MYH11: variants seen among roughly 807,000 people sequenced by gnomAD.
The protein encoded by MYH11 is myosin-11.
In MYH11, 80 loss-of-function variants were observed where a neutral mutation model predicts 246.6. The observed-to-expected ratio is 0.32, with a 90% CI of 0.27 to 0.39. The LOEUF (loss-of-function observed/expected upper bound fraction) is 0.39, where lower values mean the gene tolerates loss of function less well. MYH11 is among the 10% of genes least tolerant of loss of function. The pLI is 1.00. For synonymous variants in MYH11, 1,071 were observed against 1,015.5 expected (o/e 1.05, Z -1.04); for missense variants, 2,158 against 2,546.8 (o/e 0.85, Z 3.29).
chr16:15,850,111 A>G (rs974480433), intron 1 of MYH11, among the ~76,000 whole-genome samples: 1 of 152,234 alleles, frequency 6.6e-6, no homozygotes. Context: ...TAGGCCGGGC[A>G]TGGTGGCTGA....
At chr16:15,813,349 T>TA (rs906041658) in intron 3 of MYH11, among the ~76,000 whole-genome samples, 5 of 152,028 alleles carry the variant, frequency 3.3e-5, no homozygotes, top group African/African-American at 4.8e-5. Context: ...ACCCTGTCTC[T>TA]AAAAAAAGCA....
intron 2 of MYH11, among the ~76,000 whole-genome samples, chr16:15,831,507 GAACC>G (rs2043739501): frequency 1.5e-5 from 2 of 134,700 alleles, no homozygotes; most frequent in Non-Finnish European, 3.2e-5. Context: ...GTACATACAT[GAACC>G]TGTGAATCAT....
intron 2 of MYH11, among the ~76,000 whole-genome samples, chr16:15,834,934 G>C (rs775051815): frequency 7.7e-6 from 1 of 130,046 alleles, no homozygotes; most frequent in Non-Finnish European, 1.6e-5. Context: ...TTTTTAATTA[G>C]CCAGGTGTGG....
intron 28 of MYH11, chr16:15,725,428 G>C: frequency 2.1e-6 from 1 of 480,788 alleles, no homozygotes; most frequent in East Asian, 3.1e-5. Context: ...CAGGGATGCT[G>C]TCCCATCCCT....
chr16:15,730,312 A>G lies in MYH11; in HGVS notation c.3651+2252T>C, dbSNP rs188208760. Among the ~76,000 whole-genome samples the G allele has an allele frequency of 1.4e-3, 212 of 149,758 alleles. 1 individual carries two copies. Among genetic ancestry groups the G allele is most frequent in the South Asian group, 2.5e-3 (12 of 4,726 alleles). On this transcript the variant is annotated intron_variant, in intron 27 of 40. Coordinates refer to ENST00000300036, the MANE Select transcript of MYH11 (RefSeq NM_002474.3). ...TTTGGGAGGCCAAGGCAGGTGGATCACCTGAGGTCAGGAGTTCGAGATCAG... is the reference window on the plus strand; with the variant it reads ...TTTGGGAGGCCAAGGCAGGTGGATCGCCTGAGGTCAGGAGTTCGAGATCAG...
In MYH11 at chr16:15,823,285, C is replaced by T. The variant is rs375998236; in HGVS notation, c.472G>A (p.Ala158Thr). ...AGCATGCTCCGGTAGGCCGTGTCTG[C>T]GATGGCGTAGATGTGAGGCGGCATC... ...HEMPPHIYAI[A>T]DTAYRSMLQD... The change falls in exon 3 of 41, where the codon GCA (alanine) becomes ACA (threonine). Residue 158 changes from alanine (A) to threonine (T), a missense_variant. Physicochemically the swap from Ala to Thr is moderately conservative, Grantham distance 58. Transcript: ENST00000300036. 1.3e-4 allele frequency: 217 copies of T among 1,614,074 alleles called. 2 individuals are homozygous for T. The highest frequency in any genetic ancestry group is 6.8e-4 in the Admixed American group (41 of 59,998).
intron 33 of MYH11, among the ~76,000 whole-genome samples, chr16:15,720,576 T>TTGTC (rs1300823294): frequency 6.6e-6 from 1 of 150,930 alleles, no homozygotes; most frequent in African/African-American, 2.4e-5. Context: ...TGGTGAAACC[T>TTGTC]TGTCTCCACT....
intron 6 of MYH11, 138 bp from the exon 7 acceptor site, chr16:15,778,981 C>A: frequency 1.2e-6 from 1 of 833,740 alleles, no homozygotes; most frequent in South Asian, 1.4e-5. Context: ...CAGAACCCCA[C>A]AGGTCAAGTT....
At chr16:15,789,448 A>G (rs1686042887) in intron 4 of MYH11, among the ~76,000 whole-genome samples, 2 of 152,194 alleles carry the variant, frequency 1.3e-5, no homozygotes, top group Non-Finnish European at 2.9e-5. Flanking sequence ...TTTGAAGTAA[A>G]TTGCTCCAGC....
intron 24 of MYH11, among the ~76,000 whole-genome samples, chr16:15,738,152 G>T: frequency 6.6e-6 from 1 of 151,992 alleles, no homozygotes; most frequent in East Asian, 1.9e-4. Context: ...AGAGTTAGTT[G>T]TCACTCATGG....
chr16:15,721,334 C>T, intron 32 of MYH11, 88 bp downstream of exon 32: 1 of 1,439,058 alleles, frequency 6.9e-7, no homozygotes, highest in Non-Finnish European at 9.7e-7. Flanking sequence ...ATGAAAAAGG[C>T]CAGGAGCTAG....
At chr16:15,771,827 T>C in intron 8 of MYH11, 115 bp from the exon 9 acceptor site, 1 of 1,380,344 alleles carries the variant, frequency 7.2e-7, no homozygotes, top group East Asian at 2.4e-5. Flanking sequence ...TTATCAAGGC[T>C]TGAACCGTTT....
chr16:15,850,172 G>C (rs927284224), intron 1 of MYH11, among the ~76,000 whole-genome samples: 3 of 152,110 alleles, frequency 2.0e-5, no homozygotes, highest in African/African-American at 7.2e-5. Context: ...ATAACCTGAG[G>C]TCAGTAGTTC....
chr16:15,823,453 G>A, intron 2 of MYH11, 42 bp from the exon 3 acceptor site: 5 of 1,613,410 alleles, frequency 3.1e-6, no homozygotes, highest in Non-Finnish European at 4.2e-6. Flanking sequence ...CCTCCTCCAG[G>A]GTAGACAGAT....
chr16:15,727,420 C>A (rs1190668012), intron 27 of MYH11, among the ~76,000 whole-genome samples: 3 of 152,018 alleles, frequency 2.0e-5, no homozygotes. Flanking sequence ...AGGCTGCTCT[C>A]GAACTCCTGA....
chr16:15,808,712 C>A lies in MYH11; in HGVS notation c.503-10025G>T, dbSNP rs559547115. ...AGGAGTTTGAGACTCAAAGCGAGAC[C>A]CCTATCTCTATGAAAAAAAAATTTT... On this transcript the variant is annotated intron_variant, in intron 3 of 40. Coordinates refer to ENST00000300036, the MANE Select transcript of MYH11 (RefSeq NM_002474.3). Among the ~76,000 whole-genome samples the A allele has an allele frequency of 4.3e-3, 649 of 151,878 alleles. 1 individual carries two copies. The highest frequency in any genetic ancestry group is 6.4e-3 in the Non-Finnish European group (434 of 67,956).
chr16:15,726,188 T>C (rs1266448823), intron 28 of MYH11: 1 of 154,844 alleles, frequency 6.5e-6, no homozygotes, highest in Non-Finnish European at 1.4e-5. Flanking sequence ...TTGACATTCA[T>C]TTGTGTGATT....
chr16:15,795,471 C>T (rs9936196), intron 4 of MYH11, among the ~76,000 whole-genome samples: 64,027 of 151,602 alleles, frequency 0.42, 14,690 homozygotes, highest in African/African-American at 0.61. Flanking sequence ...ATTAGCCAGG[C>T]ATGGTGGTAC....
intron 1 of MYH11, among the ~76,000 whole-genome samples, chr16:15,844,252 C>G (rs1406122838): frequency 6.6e-6 from 1 of 152,154 alleles, no homozygotes; most frequent in Admixed American, 6.6e-5. Context: ...AGCTAGAGTG[C>G]AATGGCGGGA....
Sources: allele counts gnomAD v4.1 joint callset (sites outside exome capture counted in the v4.1 genomes callset), GRCh38; gene constraint gnomAD v4.1.1; transcripts MANE v1.5; gene names NCBI Gene and HGNC (gene_info 2026-07-23, HGNC 2026-07-21).